The following GHRHR variants were observed in gnomAD, a reference collection of about 807,000 sequenced individuals.
The protein encoded by GHRHR is growth hormone releasing hormone receptor, also known as growth hormone-releasing hormone receptor.
In GHRHR, 40 loss-of-function variants were observed where a neutral mutation model predicts 58.3. The ratio of observed to expected loss-of-function variants is 0.69; its 90% CI spans 0.53 to 0.89. The LOEUF (loss-of-function observed/expected upper bound fraction) is 0.89, where lower values mean the gene tolerates loss of function less well. GHRHR is among the 40% of genes least tolerant of loss of function. The probability of loss-of-function intolerance (pLI) is 0.00; values close to 1 mark genes in which losing one functional copy is unlikely to be tolerated. For synonymous variants in GHRHR, 249 were observed against 216.6 expected (o/e 1.15, Z -1.31); for missense variants, 551 against 541.3 (o/e 1.02, Z -0.18).
intron 1 of GHRHR, among the ~76,000 whole-genome samples, chr7:30,964,851 T>A (rs1352045936): frequency 6.6e-6 from 1 of 152,172 alleles, no homozygotes; most frequent in East Asian, 1.9e-4. Flanking sequence ...AGGAGGTTAC[T>A]GCAAGTGACA....
intron 1 of GHRHR, among the ~76,000 whole-genome samples, chr7:30,965,054 G>C (rs916095629): frequency 3.3e-5 from 5 of 152,214 alleles, no homozygotes; most frequent in African/African-American, 9.7e-5. Context: ...CAGCCTTCCT[G>C]AGTCTTGCTT....
At chr7:30,970,255 AG>A (rs1439348253) in intron 4 of GHRHR, among the ~76,000 whole-genome samples, 1 of 152,134 alleles carries the variant, frequency 6.6e-6, no homozygotes, top group Non-Finnish European at 1.5e-5. Context: ...GGGAGCTTAA[AG>A]TGGTTCCAGA....
intron 1 of GHRHR, among the ~76,000 whole-genome samples, chr7:30,968,616 C>T (rs374278101): frequency 1.0e-5 from 1 of 97,864 alleles, no homozygotes; most frequent in Non-Finnish European, 1.9e-5. Context: ...CTCCCTCCCT[C>T]CCTCCCTCCC....
rs1792652712 is a variant in GHRHR at position 30,979,525 on chromosome 7, T to C, written c.*281T>C. 2 of 415,142 alleles carry C rather than the reference T, an allele frequency of 4.8e-6. No individual in the cohort carries two copies. Among genetic ancestry groups the C allele is most frequent in the African/African-American group, 2.0e-5 (1 of 48,976 alleles). 25.7% of individuals were successfully genotyped at this position (415,142 alleles called of 1,614,324 possible). On this transcript the variant is annotated 3_prime_UTR_variant, in exon 13 of 13. Transcript: ENST00000326139. ...TCAGAGGAGCCAATAAACCTGTAAATGAATAGACGCATGTTTGAGTGAGTA... is the reference window on the plus strand; with the variant it reads ...TCAGAGGAGCCAATAAACCTGTAAACGAATAGACGCATGTTTGAGTGAGTA...
chr7:30,969,221 AGTGGCAGAAT>A (rs1203287077), intron 3 of GHRHR, 51 bp downstream of exon 3: 12 of 1,238,634 alleles, frequency 9.7e-6, no homozygotes, highest in Non-Finnish European at 1.4e-5. Context: ...TTCATCTGGA[AGTGGCAGAAT>A]CATCACTGGA....
intron 11 of GHRHR, among the ~76,000 whole-genome samples, chr7:30,976,848 C>T (rs943577307): frequency 5.9e-5 from 9 of 151,666 alleles, no homozygotes; most frequent in Admixed American, 5.3e-4. Flanking sequence ...ATCCATCCAT[C>T]CACTCACCTA....
Position 30,975,006 on chromosome 7 carries a change from G to A in GHRHR, c.848G>A (p.Trp283Ter), listed in dbSNP as rs1792549611. ...CTGGACGACACCTCCCCCTACTGGT[G>A]GATCATCAAAGGGCCCATTGTCCTC... Reference protein sequence around the residue: ...WDLDDTSPYWWIIKGPIVLSV... With the variant: ...WDLDDTSPYW Residue 283 changes from tryptophan to a stop codon, truncating the protein, a stop_gained, in exon 9 of 13, where the codon TGG (tryptophan) becomes TAG (stop). Coordinates refer to ENST00000326139, the MANE Select transcript of GHRHR (RefSeq NM_000823.4). LOFTEE classifies it high-confidence loss of function. The A allele has an allele frequency of 6.8e-6, 11 of 1,613,398 alleles. No homozygotes were observed. Among genetic ancestry groups the A allele is most frequent in the Non-Finnish European group, 9.3e-6 (11 of 1,179,328 alleles).
In GHRHR at chr7:30,971,191, GC is replaced by G; in HGVS notation, c.441del (p.Ile148SerfsTer34). On this transcript the variant is annotated frameshift_variant, in exon 5 of 13. Coordinates refer to ENST00000326139, the MANE Select transcript of GHRHR (RefSeq NM_000823.4). LOFTEE classifies it high-confidence loss of function. ...HSISIVALFVAITILVALRRL... is the reference protein window; with the variant it reads ...HSISIVALFVXITILVALRRL... Reference sequence around the variant, plus strand: ...CATCTCTATTGTAGCCCTCTTCGTGGCCATCACCATCCTGGTTGCTCTCAGG... The same window carrying G: ...CATCTCTATTGTAGCCCTCTTCGTGGCATCACCATCCTGGTTGCTCTCAGG... The G allele has an allele frequency of 6.7e-7, 1 of 1,502,806 alleles. No homozygotes were observed. The highest frequency in any genetic ancestry group is 9.1e-7 in the Non-Finnish European group (1 of 1,099,462). The allele number at this position is 1,502,806 out of a possible 1,614,324, so 93.1% of individuals were successfully genotyped here. A position where few individuals can be genotyped will look rare whatever the true frequency, so the allele number is the denominator to read the frequency against.
chr7:30,979,415 GTA>G lies in GHRHR; in HGVS notation c.*173_*174del. ...CATCTGACTCTCTTTTGAGGTCCCT[GTA>G]TGTCTACCTCTGACTTCTGTGGTCC... On this transcript the variant is annotated 3_prime_UTR_variant, in exon 13 of 13. Coordinates refer to ENST00000326139, the MANE Select transcript of GHRHR (RefSeq NM_000823.4). The G allele has an allele frequency of 3.0e-6, 2 of 656,952 alleles. No individual in the cohort carries two copies. The highest frequency in any genetic ancestry group is 3.2e-5 in the South Asian group (2 of 62,994). The allele number at this position is 656,952 out of a possible 1,614,324, so 40.7% of individuals were successfully genotyped here.
chr7:30,964,089 G>T lies in GHRHR; in HGVS notation c.21G>T (p.Gly7=). 1 of 1,550,422 alleles carries T rather than the reference G, an allele frequency of 6.4e-7. No individual in the cohort carries two copies. The highest frequency in any genetic ancestry group is 8.7e-7 in the Non-Finnish European group (1 of 1,146,974). Residue 7 remains glycine, a synonymous_variant, in exon 1 of 13, where the codon GGG becomes GGT. Transcript: ENST00000326139. ...TCACCATGGACCGCCGGATGTGGGG[G>T]GCCCACGTCTTCTGCGTGTTGAGCC... MDRRMW[G]AHVFCVLSPL...
chr7:30,965,365 T>G (rs1792326105), intron 1 of GHRHR, among the ~76,000 whole-genome samples: 1 of 152,040 alleles, frequency 6.6e-6, no homozygotes, highest in South Asian at 2.1e-4. Context: ...ATGCAAGGCC[T>G]GGGGGTCCAG....
At chr7:30,964,351 C>T (rs536957877) in intron 1 of GHRHR, among the ~76,000 whole-genome samples, 26 of 152,308 alleles carry the variant, frequency 1.7e-4, no homozygotes, top group Admixed American at 1.0e-3. Context: ...GTGCTATTAA[C>T]ATGTCCTTCC....
chr7:30,969,908 C>A lies in GHRHR; in HGVS notation c.310C>A (p.Pro104Thr), dbSNP rs756936955. The change falls in exon 4 of 13, where the codon CCC (proline) becomes ACC (threonine). Residue 104 changes from proline to threonine, a missense_variant. By Grantham distance (38) the Pro-to-Thr change is conservative. Transcript: ENST00000326139. ...RDCTITGWSE[P>T]FPPYPVACPV... ...TTGTACTATCACTGGCTGGTCTGAG[C>A]CCTTTCCACCTTACCCTGTGGCCTG... is the stretch of plus-strand genomic sequence containing the variant. 1 of 1,600,486 alleles carries A rather than the reference C, an allele frequency of 6.2e-7. No homozygotes were observed. Among genetic ancestry groups the A allele is most frequent in the African/African-American group, 1.3e-5 (1 of 74,668 alleles).
At chr7:30,974,167 T>C (rs777017628) in intron 7 of GHRHR, 29 bp downstream of exon 7, 3 of 1,609,394 alleles carry the variant, frequency 1.9e-6, no homozygotes, top group South Asian at 2.2e-5. Context: ...TTGGGCACCA[T>C]GGGGAGGTAA....
Position 30,969,055 on chromosome 7 carries a change from C to T in GHRHR, c.161-8C>T. 1 of 1,573,982 alleles carries T rather than the reference C, an allele frequency of 6.4e-7. No homozygotes were observed. Among genetic ancestry groups the T allele is most frequent in the Non-Finnish European group, 8.6e-7 (1 of 1,157,878 alleles). On this transcript the variant is annotated splice_region_variant and splice_polypyrimidine_tract_variant and intron_variant, in intron 2 of 12. Coordinates refer to ENST00000326139, the MANE Select transcript of GHRHR (RefSeq NM_000823.4). ...CTGAGTCTCTGCTGCTCCTGGCTCTCTATCCAGGCTGCCCTGCGACCTGGG... is the reference window on the plus strand; with the variant it reads ...CTGAGTCTCTGCTGCTCCTGGCTCTTTATCCAGGCTGCCCTGCGACCTGGG...
Position 30,974,419 on chromosome 7 carries a change from A to G in GHRHR, c.752-10A>G. 3 of 1,600,712 alleles carry G rather than the reference A, an allele frequency of 1.9e-6. No individual in the cohort carries two copies. The highest frequency in any genetic ancestry group is 2.6e-6 in the Non-Finnish European group (3 of 1,168,234). ...ACTCCCTCGCTTGTGTCTTCCCTGT[A>G]CTCCTGTAGGGCTGCCCGTGCTCTT... On this transcript the variant is annotated splice_polypyrimidine_tract_variant and intron_variant, in intron 7 of 12. Transcript: ENST00000326139.
chr7:30,976,876 C>CCATCCACCCACCCATT (rs1178651642), intron 11 of GHRHR, among the ~76,000 whole-genome samples: 1 of 145,466 alleles, frequency 6.9e-6, no homozygotes, highest in Non-Finnish European at 1.5e-5. Context: ...ACCCACCCAC[C>CCATCCACCCACCCATT]CATCCACCCA....
In GHRHR at chr7:30,974,091, C is replaced by A; in HGVS notation, c.704C>A (p.Ser235Tyr). The change falls in exon 7 of 13, where the codon TCC becomes TAC. Residue 235 changes from serine to tyrosine, a missense_variant. By Grantham distance (144) the Ser-to-Tyr change is moderately radical (BLOSUM62 -2). Coordinates refer to ENST00000326139, the MANE Select transcript of GHRHR (RefSeq NM_000823.4). The part of the protein sequence containing the change: ...VYLNCLLAST[S>Y]PSSRRAFWWL... ...CTGAACTGCCTCCTGGCCTCCACCT[C>A]CCCCAGCTCAAGGAGAGCCTTCTGG... The A allele has an allele frequency of 1.9e-6, 3 of 1,614,058 alleles. No individual in the cohort carries two copies. Among genetic ancestry groups the A allele is most frequent in the Non-Finnish European group, 2.5e-6 (3 of 1,179,962 alleles).
Position 30,964,056 on chromosome 7 carries a change from T to C in GHRHR, c.-13T>C. On this transcript the variant is annotated 5_prime_UTR_variant, in exon 1 of 13. Coordinates refer to ENST00000326139, the MANE Select transcript of GHRHR (RefSeq NM_000823.4). ...TACTGAGGCTGGTGGAGGGAGCCACTGCTGGGCTCACCATGGACCGCCGGA... is the reference window on the plus strand; with the variant it reads ...TACTGAGGCTGGTGGAGGGAGCCACCGCTGGGCTCACCATGGACCGCCGGA... 1 of 1,550,462 alleles carries C rather than the reference T, an allele frequency of 6.4e-7. No individual in the cohort carries two copies.
Sources: allele counts gnomAD v4.1 joint callset (sites outside exome capture counted in the v4.1 genomes callset), GRCh38; gene constraint gnomAD v4.1.1; transcripts MANE v1.5; gene names NCBI Gene and HGNC (gene_info 2026-07-23, HGNC 2026-07-21).